Variants in EFCAB11 observed in about 807,000 individuals in gnomAD.
EFCAB11 encodes the protein EF-hand calcium-binding domain-containing protein 11.
Under a neutral mutation model 23.0 loss-of-function variants are expected in EFCAB11, and 14 were observed. The observed-to-expected ratio is 0.61, with a 90% CI of 0.40 to 0.95. The LOEUF is 0.95. EFCAB11 is among the 40% of genes least tolerant of loss of function. The probability of loss-of-function intolerance (pLI) is 0.00; values close to 1 mark genes in which losing one functional copy is unlikely to be tolerated. For missense variants in EFCAB11, 198 were observed against 195.8 expected (o/e 1.01, Z -0.07); for synonymous variants, 65 against 66.6 (o/e 0.98, Z 0.11).
At chr14:89,799,031 C>G (rs1169365724) in intron 5 of EFCAB11, 2 of 152,204 alleles carry the variant, frequency 1.3e-5, no homozygotes, top group Non-Finnish European at 2.9e-5. Flanking sequence ...TCAAGCCATC[C>G]CCCTGCCTCG....
intron 5 of EFCAB11, among the ~76,000 whole-genome samples, chr14:89,890,945 G>A (rs1888945860): frequency 6.6e-6 from 1 of 152,200 alleles, no homozygotes; most frequent in Non-Finnish European, 1.5e-5. Flanking sequence ...GAGCAAAGGA[G>A]TAAGAGAAAA....
chr14:89,925,543 T>C (rs1399298024), intron 5 of EFCAB11, among the ~76,000 whole-genome samples: 1 of 152,114 alleles, frequency 6.6e-6, no homozygotes, highest in Middle Eastern at 3.2e-3. Context: ...CCATTTTTAA[T>C]GGGTAGAAAT....
intron 5 of EFCAB11, among the ~76,000 whole-genome samples, chr14:89,818,396 C>T (rs916639739): frequency 1.4e-5 from 2 of 147,556 alleles, no homozygotes; most frequent in African/African-American, 5.0e-5. Flanking sequence ...AGACAGACAA[C>T]AAGTAAGTAG....
chr14:89,808,364 TGTATAG>T (rs1349845801), intron 5 of EFCAB11, among the ~76,000 whole-genome samples: 1 of 152,188 alleles, frequency 6.6e-6, no homozygotes, highest in African/African-American at 2.4e-5. Context: ...AGTAATTTAC[TGTATAG>T]ATCTTGGTTA....
intron 3 of EFCAB11, among the ~76,000 whole-genome samples, chr14:89,943,559 G>A (rs1303238753): frequency 6.6e-6 from 1 of 152,124 alleles, no homozygotes; most frequent in African/African-American, 2.4e-5. Flanking sequence ...AGTTCTTCAA[G>A]ATCCAAACAT....
rs373694487 is a variant in EFCAB11 at position 89,932,573 on chromosome 14, C to T, written c.272G>A (p.Arg91Gln). ...NIVRKKKEAQ[R>Q]YRNEVRHIFT... is the part of the protein sequence containing the mutation. ...GATGTGTCTTACTTCGTTCCGATATCGTTGAGCTTCCTTCTTTTTCCTGAC... is the reference window on the plus strand; with the variant it reads ...GATGTGTCTTACTTCGTTCCGATATTGTTGAGCTTCCTTCTTTTTCCTGAC... The change falls in exon 4 of 6, where the codon CGA (arginine) becomes CAA (glutamine). Residue 91 changes from arginine to glutamine, a missense_variant. Arg to Gln is a conservative substitution (Grantham distance 43). Coordinates refer to ENST00000316738, the MANE Select transcript of EFCAB11 (RefSeq NM_145231.4). 58 of 1,613,704 alleles carry T rather than the reference C, an allele frequency of 3.6e-5. No individual in the cohort carries two copies. Among genetic ancestry groups the T allele is most frequent in the African/African-American group, 6.7e-5 (5 of 74,902 alleles).
At chr14:89,895,549 A>G (rs1006823377) in intron 5 of EFCAB11, among the ~76,000 whole-genome samples, 1 of 152,240 alleles carries the variant, frequency 6.6e-6, no homozygotes. Flanking sequence ...AGAACAGCAG[A>G]GAAAAGAGGG....
At chr14:89,880,321 C>T (rs1469362972) in intron 5 of EFCAB11, among the ~76,000 whole-genome samples, 1 of 152,118 alleles carries the variant, frequency 6.6e-6, no homozygotes, top group Non-Finnish European at 1.5e-5. Flanking sequence ...ACTGAATTTG[C>T]CAGTGAGTGC....
intron 5 of EFCAB11, among the ~76,000 whole-genome samples, chr14:89,904,516 G>C (rs1596444882): frequency 6.6e-6 from 1 of 152,266 alleles, no homozygotes; most frequent in East Asian, 1.9e-4. Context: ...GGGTCAAATG[G>C]TATTTCTAGT....
At chr14:89,885,675 GAA>G (rs563062713) in intron 5 of EFCAB11, among the ~76,000 whole-genome samples, 1 of 127,468 alleles carries the variant, frequency 7.8e-6, no homozygotes. Flanking sequence ...AGACTCTGTT[GAA>G]AAAAAAAAAG....
At chr14:89,944,198 C>T (rs980578711) in intron 3 of EFCAB11, among the ~76,000 whole-genome samples, 14 of 152,138 alleles carry the variant, frequency 9.2e-5, no homozygotes, top group African/African-American at 3.1e-4. Context: ...ACGATCATAG[C>T]GGAAGGCAAA....
chr14:89,843,200 G>A (rs1284787693), intron 5 of EFCAB11, among the ~76,000 whole-genome samples: 3 of 152,028 alleles, frequency 2.0e-5, no homozygotes, highest in Non-Finnish European at 2.9e-5. Context: ...CTTAAAAACT[G>A]AGAACTCTAG....
intron 5 of EFCAB11, among the ~76,000 whole-genome samples, chr14:89,826,878 T>C (rs748209101): frequency 6.6e-6 from 1 of 152,146 alleles, no homozygotes; most frequent in Non-Finnish European, 1.5e-5. Context: ...TTAATCATGA[T>C]GCCACGGCAT....
At chr14:89,923,512 T>C (rs1890086233) in intron 5 of EFCAB11, 3 of 204,858 alleles carry the variant, frequency 1.5e-5, no homozygotes, top group African/African-American at 2.4e-5. Flanking sequence ...CAAAATTTCA[T>C]GAAATAAAAG....
intron 3 of EFCAB11, among the ~76,000 whole-genome samples, chr14:89,948,952 A>G (rs1166761045): frequency 6.6e-6 from 1 of 152,160 alleles, no homozygotes; most frequent in East Asian, 1.9e-4. Flanking sequence ...ATAACAACTT[A>G]ATTGTACATT....
intron 5 of EFCAB11, among the ~76,000 whole-genome samples, chr14:89,835,585 C>CGTGTGTGTGT (rs67831579): frequency 0.028 from 2,645 of 93,342 alleles, 132 homozygotes; most frequent in African/African-American, 0.054. Flanking sequence ...GGATGCTCAA[C>CGTGTGTGTGT]GTGTGTGTGT....
At chr14:89,815,522 G>A (rs796672233) in intron 5 of EFCAB11, among the ~76,000 whole-genome samples, 27 of 151,986 alleles carry the variant, frequency 1.8e-4, no homozygotes, top group African/African-American at 6.5e-4. Flanking sequence ...CGCCTCCCAG[G>A]TTCAAGCAAT....
chr14:89,807,733 A>C (rs1228718093), intron 5 of EFCAB11, among the ~76,000 whole-genome samples: 4 of 152,194 alleles, frequency 2.6e-5, no homozygotes, highest in African/African-American at 9.7e-5. Context: ...ATTTTTAATA[A>C]TACATGATAG....
At chr14:89,952,467 G>A in intron 2 of EFCAB11, 1 of 985,396 alleles carries the variant, frequency 1.0e-6, no homozygotes, top group Non-Finnish European at 1.2e-6. Context: ...AATTCCAACT[G>A]AAATGATTAC....
Sources: allele counts gnomAD v4.1 joint callset (sites outside exome capture counted in the v4.1 genomes callset), GRCh38; gene constraint gnomAD v4.1.1; transcripts MANE v1.5; gene names NCBI Gene and HGNC (gene_info 2026-07-23, HGNC 2026-07-21).